The following SUSD4 variants were observed in gnomAD, a reference collection of about 807,000 sequenced individuals.
SUSD4 encodes sushi domain-containing protein 4.
A neutral mutation model predicts 50.5 loss-of-function variants in SUSD4; 41 were observed. The observed-to-expected ratio is 0.81, with a 90% confidence interval of 0.63 to 1.05. SUSD4 has a LOEUF of 1.05. Ranked by LOEUF, SUSD4 falls within the 50% of genes least tolerant of loss-of-function variation. SUSD4 has a pLI of 0.00. For missense variants in SUSD4, 580 were observed against 634.7 expected (o/e 0.91, Z 0.93); for synonymous variants, 257 against 257.3 (o/e 1.00, Z 0.01).
chr1:223,240,631 C>T (rs1007612183), intron 5 of SUSD4, among the ~76,000 whole-genome samples: 4 of 152,174 alleles, frequency 2.6e-5, no homozygotes, highest in African/African-American at 9.7e-5. Context: ...TGATATCTAG[C>T]ATTTCTTTTT....
intron 2 of SUSD4, among the ~76,000 whole-genome samples, chr1:223,298,090 A>G (rs1664949174): frequency 6.6e-6 from 1 of 151,894 alleles, no homozygotes; most frequent in African/African-American, 2.4e-5. Flanking sequence ...GGATGGGTGA[A>G]TAAGTGGATG....
chr1:223,296,346 C>G (rs1558225873), intron 2 of SUSD4, among the ~76,000 whole-genome samples: 1 of 152,136 alleles, frequency 6.6e-6, no homozygotes, highest in Non-Finnish European at 1.5e-5. Context: ...GTGCCATGTG[C>G]TCAGATTAAC....
At chr1:223,232,641 C>T (rs1182327798) in intron 5 of SUSD4, among the ~76,000 whole-genome samples, 4 of 152,178 alleles carry the variant, frequency 2.6e-5, no homozygotes, top group Non-Finnish European at 4.4e-5. Context: ...GCATTCACCC[C>T]GAGGCAAATG....
intron 2 of SUSD4, among the ~76,000 whole-genome samples, chr1:223,338,978 G>A (rs933775395): frequency 2.6e-5 from 4 of 152,162 alleles, no homozygotes; most frequent in Admixed American, 1.3e-4. Flanking sequence ...ATGAGGTCAC[G>A]TGGGAAGACT....
intron 5 of SUSD4, among the ~76,000 whole-genome samples, chr1:223,252,231 AAAAAAATAT>A (rs1558183170): frequency 1.1e-4 from 7 of 65,258 alleles, no homozygotes; most frequent in Non-Finnish European, 2.9e-4. Context: ...AAAAAAAAAA[AAAAAAATAT>A]ATATATATAT....
At chr1:223,356,949 T>C (rs1668702683) in intron 2 of SUSD4, among the ~76,000 whole-genome samples, 1 of 152,154 alleles carries the variant, frequency 6.6e-6, no homozygotes. Context: ...CCAAGTTACA[T>C]GAAAAAGAAC....
intron 2 of SUSD4, among the ~76,000 whole-genome samples, chr1:223,312,840 G>C (rs558812741): frequency 2.0e-4 from 30 of 152,296 alleles, no homozygotes; most frequent in Middle Eastern, 3.4e-3. Flanking sequence ...GCTGAAGCCA[G>C]CATGTTTCCT....
rs565445873 is a variant in SUSD4 at position 223,281,364 on chromosome 1, G to C, written c.361+11075C>G. ...AGCAAGACTAATAAAGAAGAAAAGAGAGAAGAATCAAATAGACACAATAAA... is the reference window on the plus strand; with the variant it reads ...AGCAAGACTAATAAAGAAGAAAAGACAGAAGAATCAAATAGACACAATAAA... On this transcript the variant is annotated intron_variant, in intron 3 of 8. Transcript: ENST00000366878. Among the ~76,000 whole-genome samples, 28 of 152,224 alleles carry C rather than the reference G, an allele frequency of 1.8e-4. 2 individuals are homozygous for C. The South Asian group carries it at 5.8e-3, about 32-fold the overall frequency.
chr1:223,235,675 A>C (rs1238412622), intron 5 of SUSD4, among the ~76,000 whole-genome samples: 1 of 152,192 alleles, frequency 6.6e-6, no homozygotes, highest in Non-Finnish European at 1.5e-5. Context: ...GTTTCTTCAT[A>C]TCTTTTCATG....
chr1:223,328,385 C>G (rs1666993901), intron 2 of SUSD4, among the ~76,000 whole-genome samples: 1 of 152,214 alleles, frequency 6.6e-6, no homozygotes, highest in South Asian at 2.1e-4. Flanking sequence ...CACCAGTCCC[C>G]TTCCTCCTCT....
chr1:223,310,495 T>C (rs1201230424), intron 2 of SUSD4, among the ~76,000 whole-genome samples: 1 of 152,166 alleles, frequency 6.6e-6, no homozygotes, highest in East Asian at 1.9e-4. Flanking sequence ...ATTCCCCATA[T>C]ATATGTTAAC....
intron 2 of SUSD4, among the ~76,000 whole-genome samples, chr1:223,347,287 T>C (rs1668086628): frequency 6.6e-6 from 1 of 152,222 alleles, no homozygotes; most frequent in South Asian, 2.1e-4. Flanking sequence ...TATAAAATAC[T>C]AGGTCTCATT....
At chr1:223,348,158 A>G (rs1668146980) in intron 2 of SUSD4, among the ~76,000 whole-genome samples, 1 of 152,242 alleles carries the variant, frequency 6.6e-6, no homozygotes, top group African/African-American at 2.4e-5. Flanking sequence ...AGAACACTAG[A>G]AGCAGTAGCA....
chr1:223,364,615 C>T (rs1047821033), upstream of SUSD4, among the ~76,000 whole-genome samples: 2 of 150,976 alleles, frequency 1.3e-5, no homozygotes, highest in African/African-American at 4.8e-5. This position sits in a 1 kb window ranked among gnomAD's most constrained non-coding sequence, Gnocchi z 4.5. Flanking sequence ...CCTGCCCCGG[C>T]TGCGCGCCAG....
upstream of SUSD4, among the ~76,000 whole-genome samples, chr1:223,365,151 G>A (rs1175800212): frequency 2.0e-5 from 3 of 152,090 alleles, no homozygotes; most frequent in Non-Finnish European, 4.4e-5. Flanking sequence ...GGGGGTCGGT[G>A]GTAATTGCCC....
intron 2 of SUSD4, among the ~76,000 whole-genome samples, chr1:223,303,510 G>C (rs2103186759): frequency 6.6e-6 from 1 of 152,232 alleles, no homozygotes; most frequent in Middle Eastern, 3.4e-3. Context: ...ACATTCAATA[G>C]TTTTTGACCT....
At chr1:223,294,328 T>C (rs143028664) in intron 2 of SUSD4, among the ~76,000 whole-genome samples, 4 of 152,304 alleles carry the variant, frequency 2.6e-5, no homozygotes, top group African/African-American at 7.2e-5. Flanking sequence ...ATTGGGGCTC[T>C]TGCAAGGTTT....
chr1:223,263,803 A>G (rs1178208319), intron 5 of SUSD4: 1 of 985,344 alleles, frequency 1.0e-6, no homozygotes, highest in East Asian at 1.1e-4. Context: ...ATTTGTTTCC[A>G]TATTCCATTG....
At chr1:223,309,373 A>C (rs1665737676) in intron 2 of SUSD4, among the ~76,000 whole-genome samples, 1 of 152,178 alleles carries the variant, frequency 6.6e-6, no homozygotes, top group African/African-American at 2.4e-5. Flanking sequence ...TTAGCAGAAG[A>C]AAGCTTCTTC....
Sources: allele counts gnomAD v4.1 joint callset (sites outside exome capture counted in the v4.1 genomes callset), GRCh38; gene constraint gnomAD v4.1.1; non-coding constraint Gnocchi (gnomAD v3.1); transcripts MANE v1.5; gene names NCBI Gene and HGNC (gene_info 2026-07-23, HGNC 2026-07-21).